Variants in GNL2 observed in about 807,000 individuals in gnomAD.
GNL2 encodes nucleolar GTP-binding protein 2.
GNL2 carries 51 observed loss-of-function variants against 92.3 expected under a neutral mutation model. The ratio of observed to expected loss-of-function variants is 0.55; its 90% CI spans 0.44 to 0.70. The LOEUF (loss-of-function observed/expected upper bound fraction) is 0.70. Among genes scored for constraint, GNL2 ranks in the 30% least tolerant of loss-of-function variants. The probability of loss-of-function intolerance (pLI) is 0.00; values close to 1 mark genes in which losing one functional copy is unlikely to be tolerated. For missense variants in GNL2, 844 were observed against 895.6 expected, an observed-to-expected ratio of 0.94 and a Z score of 0.74; for synonymous variants, 283 against 300.6, an observed-to-expected ratio of 0.94 and a Z score of 0.61.
At chr1:37,579,603 G>A (rs1459198323) in intron 8 of GNL2, among the ~76,000 whole-genome samples, 2 of 149,128 alleles carry the variant, frequency 1.3e-5, no homozygotes, top group African/African-American at 4.9e-5. Flanking sequence ...TGTACCAAAA[G>A]AAAAAATATA....
Position 37,566,914 on chromosome 1 carries a change from T to C in GNL2, c.2137A>G (p.Lys713Glu). Reference sequence around the variant, plus strand: ...TTCTGTCCCTCTGAGTCATTGGTCTTCTTTTTGTTCCTGTTCCTATTTTTC... The same window carrying C: ...TTCTGTCCCTCTGAGTCATTGGTCTCCTTTTTGTTCCTGTTCCTATTTTTC... ...NVKNRNRNKKKTNDSEGQKHK... is the reference protein window; with the variant it reads ...NVKNRNRNKKETNDSEGQKHK... The change falls in exon 16 of 16, where the codon AAG becomes GAG. Residue 713 changes from lysine to glutamate, a missense_variant. Coordinates refer to ENST00000373062, the MANE Select transcript of GNL2 (RefSeq NM_013285.3). 1 of 1,614,218 alleles carries C rather than the reference T, an allele frequency of 6.2e-7. No homozygotes were observed. Among genetic ancestry groups the C allele is most frequent in the Middle Eastern group, 1.6e-4 (1 of 6,062 alleles).
Position 37,592,776 on chromosome 1 carries a change from C to G in GNL2, c.180G>C (p.Leu60=), listed in dbSNP as rs754748320. 1.9e-6 allele frequency: 3 copies of G among 1,607,280 alleles called. No individual in the cohort carries two copies. The highest frequency in any genetic ancestry group is 1.7e-4 in the Middle Eastern group (1 of 6,050). Residue 60 remains leucine, a synonymous_variant, in exon 3 of 16, where the codon CTG becomes CTC. Coordinates refer to ENST00000373062, the MANE Select transcript of GNL2 (RefSeq NM_013285.3). ...CAGAAGCCACCGTTGATTGATATTGCAGGGGTTTAATTATTTTACCACGAC... is the reference window on the plus strand; with the variant it reads ...CAGAAGCCACCGTTGATTGATATTGGAGGGGTTTAATTATTTTACCACGAC... ...RNSRGKIIKP[L]QYQSTVASGT... is the part of the protein sequence containing the mutation.
chr1:37,573,605 T>C (rs369001087), intron 12 of GNL2, among the ~76,000 whole-genome samples: 41 of 152,364 alleles, frequency 2.7e-4, no homozygotes, highest in African/African-American at 5.0e-4. Context: ...GCCTGGCACA[T>C]AGTCGATGCT....
chr1:37,567,052 C>T (rs1371078714), intron 15 of GNL2, 45 bp from the exon 16 acceptor site: 3 of 1,588,110 alleles, frequency 1.9e-6, no homozygotes, highest in African/African-American at 1.4e-5. Context: ...AACAACAAAA[C>T]CCTGAAAGTC....
At chr1:37,568,664 G>A (rs1643545395) in intron 13 of GNL2, among the ~76,000 whole-genome samples, 187 bp downstream of exon 13, 3 of 152,212 alleles carry the variant, frequency 2.0e-5, no homozygotes, top group Non-Finnish European at 1.5e-5. Context: ...AGCATTGCTT[G>A]AACCCAGGAG....
chr1:37,593,691 G>C (rs1295302262), intron 2 of GNL2, 71 bp downstream of exon 2: 2 of 1,021,696 alleles, frequency 2.0e-6, no homozygotes, highest in South Asian at 2.7e-5. Flanking sequence ...AACAGCAAAG[G>C]CTTCATCAGT....
chr1:37,575,654 A>G lies in GNL2; in HGVS notation c.1084T>C (p.Cys362Arg). Residue 362 changes from cysteine (C) to arginine (R), a missense_variant, in exon 10 of 16, where the codon TGT becomes CGT. Physicochemically the swap from Cys to Arg is radical, Grantham distance 180 (BLOSUM62 -3). Coordinates refer to ENST00000373062, the MANE Select transcript of GNL2 (RefSeq NM_013285.3). The surrounding 1 kb of genome is among the most constrained non-coding windows in gnomAD (Gnocchi z 4.1). ...TLMRRIFLID[C>R]PGVVYPSEDS... ...TCAGAGGGGTAAACCACACCTGGAC[A>G]GTCAATCAGGAATATCCGACGCATC... 1 of 1,602,756 alleles carries G rather than the reference A, an allele frequency of 6.2e-7. No homozygotes were observed. Among genetic ancestry groups the G allele is most frequent in the Non-Finnish European group, 8.5e-7 (1 of 1,176,524 alleles).
rs1270422751 is a variant in GNL2 at position 37,587,470 on chromosome 1, G to A, written c.410C>T (p.Thr137Ile). 6.2e-7 allele frequency: 1 copy of A among 1,611,694 alleles called. No individual in the cohort carries two copies. Among genetic ancestry groups the A allele is most frequent in the South Asian group, 1.1e-5 (1 of 90,780 alleles). The change falls in exon 5 of 16, where the codon ACT becomes ATT. Residue 137 changes from threonine (T) to isoleucine (I), a missense_variant. Thr to Ile is a moderately conservative substitution (Grantham distance 89). Coordinates refer to ENST00000373062, the MANE Select transcript of GNL2 (RefSeq NM_013285.3). ...PHNLKVHILD[T>I]ESFETTFGPK... The stretch of plus-strand genomic sequence containing the variant: ...GCCAAATGTAGTTTCAAAACTTTCA[G>A]TATCAAGAATGTGCACCTTCAAGTT...
intron 8 of GNL2, among the ~76,000 whole-genome samples, chr1:37,580,904 G>A (rs756394850): frequency 1.3e-5 from 2 of 152,212 alleles, no homozygotes; most frequent in Non-Finnish European, 2.9e-5. Context: ...TGTAAAGACT[G>A]AATGGCCAAG....
intron 5 of GNL2, among the ~76,000 whole-genome samples, chr1:37,586,478 C>T (rs570898181): frequency 1.1e-3 from 168 of 152,140 alleles, no homozygotes; most frequent in African/African-American, 3.8e-3. Flanking sequence ...TACTTCCTCT[C>T]CTCCTCCTCC....
chr1:37,568,106 T>C (rs1157748816), intron 14 of GNL2, 169 bp downstream of exon 14: 1 of 603,736 alleles, frequency 1.7e-6, no homozygotes, highest in African/African-American at 1.9e-5. Context: ...ATGTGCAGAA[T>C]GAAAAGCAGA....
chr1:37,578,074 T>TG (rs1444131261), intron 8 of GNL2, among the ~76,000 whole-genome samples: 1 of 152,116 alleles, frequency 6.6e-6, no homozygotes, highest in Non-Finnish European at 1.5e-5. Flanking sequence ...GATTCTCTTC[T>TG]GGGGAAACTC....
At chr1:37,582,128 G>A in intron 8 of GNL2, 95 bp downstream of exon 8, 1 of 763,784 alleles carries the variant, frequency 1.3e-6, no homozygotes, top group African/African-American at 1.8e-5. Context: ...GTCCGGCTAA[G>A]AAGTTGGCAA....
intron 12 of GNL2, chr1:37,570,916 A>G (rs1266356491): frequency 6.6e-6 from 1 of 152,210 alleles, no homozygotes; most frequent in Non-Finnish European, 1.5e-5. Context: ...CACATGTATA[A>G]TATCATTTTA....
chr1:37,586,957 A>G (rs1570068933), intron 5 of GNL2, among the ~76,000 whole-genome samples: 1 of 152,148 alleles, frequency 6.6e-6, no homozygotes, highest in East Asian at 1.9e-4. Context: ...AAATGATGAG[A>G]TTTGCATGAA....
Position 37,566,910 on chromosome 1 carries a change from G to A in GNL2, c.2141C>T (p.Thr714Ile), listed in dbSNP as rs1229545263. 5.0e-6 allele frequency: 8 copies of A among 1,613,766 alleles called. No homozygotes were observed. The highest frequency in any genetic ancestry group is 1.7e-5 in the Admixed American group (1 of 59,980). The change falls in exon 16 of 16, where the codon ACC becomes ATC. Residue 714 changes from threonine to isoleucine, a missense_variant. Thr to Ile is a moderately conservative substitution (Grantham distance 89, BLOSUM62 -1). Transcript: ENST00000373062. ...GTGTTTCTGTCCCTCTGAGTCATTG[G>A]TCTTCTTTTTGTTCCTGTTCCTATT... Reference protein sequence around the residue: ...VKNRNRNKKKTNDSEGQKHKR... With the variant: ...VKNRNRNKKKINDSEGQKHKR...
In GNL2 at chr1:37,582,801, C is replaced by CA; in HGVS notation, c.771dup (p.Asp258Ter). Reference sequence around the variant, plus strand: ...ACTGTTGCCCAGGTTGGAACAAGGTCACATTTGTTAAGTACAAAAATGAGG... The same window carrying CA: ...ACTGTTGCCCAGGTTGGAACAAGGTCAACATTTGTTAAGTACAAAAATGAGG... On this transcript the variant is annotated frameshift_variant, in exon 7 of 16. Coordinates refer to ENST00000373062, the MANE Select transcript of GNL2 (RefSeq NM_013285.3). LOFTEE classifies it high-confidence loss of function. 1 of 1,613,350 alleles carries CA rather than the reference C, an allele frequency of 6.2e-7. No homozygotes were observed. Among genetic ancestry groups the CA allele is most frequent in the South Asian group, 1.1e-5 (1 of 91,016 alleles).
intron 8 of GNL2, 42 bp from the exon 9 acceptor site, chr1:37,576,598 T>C (rs767995591): frequency 2.5e-6 from 4 of 1,593,874 alleles, no homozygotes; most frequent in Non-Finnish European, 3.4e-6. Context: ...TGCAGTCATA[T>C]ATATCCCTTT....
In GNL2 at chr1:37,590,865, T is replaced by A. The variant is rs568144235; in HGVS notation, c.245-20A>T. ...TGTTTCCTGTTTTACAAATAAAGAATGTTGCCACTTAGTTAATATTTGCGC... is the reference window on the plus strand; with the variant it reads ...TGTTTCCTGTTTTACAAATAAAGAAAGTTGCCACTTAGTTAATATTTGCGC... On this transcript the variant is annotated intron_variant, in intron 3 of 15. Transcript: ENST00000373062. 1 of 1,533,354 alleles carries A rather than the reference T, an allele frequency of 6.5e-7. No homozygotes were observed. The highest frequency in any genetic ancestry group is 2.4e-5 in the East Asian group (1 of 41,716). 95.0% of individuals were successfully genotyped at this position (1,533,354 alleles called of 1,614,324 possible). A position where few individuals can be genotyped will look rare whatever the true frequency, so the allele number is the denominator to read the frequency against.
Sources: gnomAD v4.1 joint callset for allele counts (sites outside exome capture counted in the v4.1 genomes callset) on GRCh38, gnomAD v4.1.1 for gene constraint, Gnocchi (gnomAD v3.1) non-coding constraint, MANE v1.5 for transcripts, NCBI Gene and HGNC (gene_info 2026-07-23, HGNC 2026-07-21) for gene names.